The following PAK1IP1 variants were observed in gnomAD, a reference collection of about 807,000 sequenced individuals.
PAK1IP1 encodes PAK1 interacting protein 1.
PAK1IP1 carries 24 observed loss-of-function variants against 42.0 expected under a neutral mutation model. That is an observed-to-expected ratio of 0.57 (90% CI 0.41 to 0.80). The LOEUF (loss-of-function observed/expected upper bound fraction) is 0.80, where lower values mean the gene tolerates loss of function less well. PAK1IP1 is among the 30% of genes least tolerant of loss of function. The pLI is 0.00. For synonymous variants in PAK1IP1, 154 were observed against 156.7 expected (o/e 0.98, Z 0.13); for missense variants, 411 against 467.9 (o/e 0.88, Z 1.12).
intron 2 of PAK1IP1, among the ~76,000 whole-genome samples, chr6:10,697,710 C>G (rs1417140911): frequency 6.6e-6 from 1 of 151,824 alleles, no homozygotes; most frequent in Non-Finnish European, 1.5e-5. Flanking sequence ...TAGCTGGAGA[C>G]CAGACCTGTC....
rs1770295358 is a variant in PAK1IP1 at position 10,708,989 on chromosome 6, A to T, written c.877A>T (p.Asn293Tyr). Reference sequence around the variant, plus strand: ...ATCTTTACTCTGTGAAATAAACACTAATGCCAGGCTGACGTGTCTTGGAGT... The same window carrying T: ...ATCTTTACTCTGTGAAATAAACACTTATGCCAGGCTGACGTGTCTTGGAGT... ...PPSLLCEINT[N>Y]ARLTCLGVWL... Residue 293 changes from asparagine to tyrosine, a missense_variant, in exon 9 of 10, where the codon AAT becomes TAT. Transcript: ENST00000379568. 6.2e-7 allele frequency: 1 copy of T among 1,611,886 alleles called. No homozygotes were observed. Among genetic ancestry groups the T allele is most frequent in the African/African-American group, 1.3e-5 (1 of 74,912 alleles).
At chr6:10,702,253 A>AG in intron 2 of PAK1IP1, 116 bp from the exon 3 acceptor site, 1 of 838,952 alleles carries the variant, frequency 1.2e-6, no homozygotes. Context: ...AAAAAAAAAA[A>AG]AGAAAAAGAA....
At chr6:10,697,800 G>A (rs1180743115) in intron 2 of PAK1IP1, among the ~76,000 whole-genome samples, 1 of 151,696 alleles carries the variant, frequency 6.6e-6, no homozygotes, top group Non-Finnish European at 1.5e-5. Flanking sequence ...CGGAGGCAGG[G>A]GAATCGTTTG....
intron 8 of PAK1IP1, among the ~76,000 whole-genome samples, chr6:10,708,747 G>A (rs1256916705): frequency 6.6e-6 from 1 of 150,918 alleles, no homozygotes; most frequent in Non-Finnish European, 1.5e-5. Context: ...TGTTCTCATT[G>A]TTCAATTCCC....
chr6:10,697,591 G>A, intron 2 of PAK1IP1, 105 bp downstream of exon 2: 1 of 871,170 alleles, frequency 1.1e-6, no homozygotes, highest in Non-Finnish European at 1.8e-6. Context: ...TTCTTTGCTA[G>A]AAGATAGAGG....
intron 2 of PAK1IP1, among the ~76,000 whole-genome samples, chr6:10,699,199 TCA>T (rs1769951497): frequency 1.4e-5 from 1 of 71,232 alleles, no homozygotes; most frequent in African/African-American, 8.6e-5. Flanking sequence ...AGACTCTGTC[TCA>T]AAAAAAAAAA....
At chr6:10,691,569 T>C (rs142820294), upstream of PAK1IP1, among the ~76,000 whole-genome samples, 1,193 of 152,244 alleles carry the variant, frequency 7.8e-3, 58 homozygotes, top group Admixed American at 0.07. Flanking sequence ...AGCTGTCTGC[T>C]TGTGGATTTC....
chr6:10,697,126 G>T (rs12662481), intron 1 of PAK1IP1, among the ~76,000 whole-genome samples, 198 bp from the exon 2 acceptor site: 12,324 of 152,122 alleles, frequency 0.081, 1,492 homozygotes, highest in African/African-American at 0.26. Context: ...GTCCTTTGTG[G>T]TAAACTACAT....
intron 2 of PAK1IP1, among the ~76,000 whole-genome samples, chr6:10,698,338 T>C (rs550349177): frequency 6.6e-6 from 1 of 152,312 alleles, no homozygotes; most frequent in Admixed American, 6.5e-5. Flanking sequence ...ATTGAGGGCA[T>C]ATTATGTACC....
At chr6:10,691,568 C>T (rs1769312519), upstream of PAK1IP1, among the ~76,000 whole-genome samples, 2 of 152,060 alleles carry the variant, frequency 1.3e-5, no homozygotes, top group Non-Finnish European at 2.9e-5. Flanking sequence ...GAGCTGTCTG[C>T]TTGTGGATTT....
chr6:10,702,688 A>T (rs1299626725), intron 4 of PAK1IP1, 49 bp downstream of exon 4: 1 of 1,252,492 alleles, frequency 8.0e-7, no homozygotes, highest in African/African-American at 1.5e-5. Context: ...GTGTTTTACT[A>T]CAGCTCTCCA....
intron 4 of PAK1IP1, among the ~76,000 whole-genome samples, chr6:10,703,079 A>G (rs1329238961): frequency 1.3e-5 from 2 of 152,210 alleles, no homozygotes; most frequent in African/African-American, 4.8e-5. Context: ...TGCTGGGATT[A>G]CAGGCGTGAG....
chr6:10,702,803 T>C lies in PAK1IP1; in HGVS notation c.443+164T>C, dbSNP rs554188297. On this transcript the variant is annotated intron_variant, in intron 4 of 9. Transcript: ENST00000379568. ...AAATGACAAGCTCTGTTTTCTTTCT[T>C]TTTTTTTTGAGACAGAGTCTCGCTC... Among the ~76,000 whole-genome samples, 24 of 151,296 alleles carry C rather than the reference T, an allele frequency of 1.6e-4. No individual in the cohort carries two copies. In the South Asian group the frequency reaches 4.8e-3, roughly 30 times the overall value.
chr6:10,708,044 T>C (rs1182432595), intron 8 of PAK1IP1, among the ~76,000 whole-genome samples: 4 of 150,170 alleles, frequency 2.7e-5, no homozygotes, highest in Non-Finnish European at 4.4e-5. Context: ...GAATTTTCTT[T>C]TTTTTTTTTT....
intron 3 of PAK1IP1, 31 bp downstream of exon 3, chr6:10,702,520 C>G (rs796471222): frequency 1.2e-6 from 2 of 1,613,932 alleles, no homozygotes; most frequent in Non-Finnish European, 8.5e-7. Context: ...TTGGCATTCT[C>G]GATGTGCCAG....
intron 1 of PAK1IP1, 69 bp downstream of exon 1, chr6:10,695,138 CAGAGGTGA>C: frequency 1.1e-6 from 1 of 927,666 alleles, no homozygotes; most frequent in Non-Finnish European, 1.7e-6. Flanking sequence ...TCCTACACAG[CAGAGGTGA>C]ACATTGGAGC....
intron 2 of PAK1IP1, among the ~76,000 whole-genome samples, chr6:10,700,994 T>G (rs545051032): frequency 6.6e-6 from 1 of 152,186 alleles, no homozygotes; most frequent in South Asian, 2.1e-4. Flanking sequence ...ACCCTTCCCC[T>G]CCCACAGGCC....
upstream of PAK1IP1, among the ~76,000 whole-genome samples, chr6:10,691,485 A>G (rs892722118): frequency 1.3e-5 from 2 of 152,098 alleles, no homozygotes; most frequent in Admixed American, 1.3e-4. Context: ...TTTCTATACA[A>G]TGTCTCTAAT....
At chr6:10,705,957 A>G (rs1770190337) in intron 7 of PAK1IP1, among the ~76,000 whole-genome samples, 1 of 152,204 alleles carries the variant, frequency 6.6e-6, no homozygotes, top group Non-Finnish European at 1.5e-5. Flanking sequence ...TACTAATAAC[A>G]CTTAAGATAT....
Sources: allele counts gnomAD v4.1 joint callset (sites outside exome capture counted in the v4.1 genomes callset), GRCh38; gene constraint gnomAD v4.1.1; transcripts MANE v1.5; gene names NCBI Gene and HGNC (gene_info 2026-07-23, HGNC 2026-07-21).